NLN: variants seen among roughly 807,000 people sequenced by gnomAD.
The protein encoded by NLN is neurolysin, mitochondrial.
NLN carries 64 observed loss-of-function variants against 79.9 expected under a neutral mutation model. The observed-to-expected ratio is 0.80, with a 90% CI of 0.65 to 0.99. NLN has a LOEUF of 0.99. Among genes scored for constraint, NLN ranks in the 50% least tolerant of loss-of-function variants. The pLI is 0.00. For missense variants in NLN, 835 were observed against 858.7 expected, an observed-to-expected ratio of 0.97 and a Z score of 0.34; for synonymous variants, 267 against 296.6, an observed-to-expected ratio of 0.90 and a Z score of 1.02.
At chr5:65,752,801 C>T (rs1759128578) in intron 1 of NLN, among the ~76,000 whole-genome samples, 1 of 152,238 alleles carries the variant, frequency 6.6e-6, no homozygotes, top group Admixed American at 6.5e-5. Flanking sequence ...AGGCATTCCG[C>T]TGTCACCATT....
intron 12 of NLN, among the ~76,000 whole-genome samples, chr5:65,822,159 T>C (rs938271652): frequency 1.3e-5 from 2 of 152,236 alleles, no homozygotes; most frequent in East Asian, 3.8e-4. Flanking sequence ...TAAATAAAAG[T>C]AGAGGAACTG....
intron 12 of NLN, among the ~76,000 whole-genome samples, chr5:65,815,279 G>A (rs1760645693): frequency 6.6e-6 from 1 of 152,114 alleles, no homozygotes; most frequent in Non-Finnish European, 1.5e-5. Flanking sequence ...ACTGATCCCT[G>A]TGGTTCCAAG....
intron 9 of NLN, chr5:65,792,915 G>A (rs1244745568): frequency 2.0e-6 from 1 of 501,838 alleles, no homozygotes; most frequent in Admixed American, 2.8e-5. Flanking sequence ...TGTAAGGAAA[G>A]GTTACAAATA....
At chr5:65,756,326 C>A (rs187397021) in intron 1 of NLN, among the ~76,000 whole-genome samples, 4 of 152,030 alleles carry the variant, frequency 2.6e-5, no homozygotes, top group Admixed American at 1.3e-4. Flanking sequence ...TTTTTTCCCC[C>A]AAAAAGCCTC....
At chr5:65,759,200 A>G (rs1021473074) in intron 2 of NLN, among the ~76,000 whole-genome samples, 1 of 152,168 alleles carries the variant, frequency 6.6e-6, no homozygotes, top group African/African-American at 2.4e-5. Context: ...CAATTCCCAA[A>G]TGTCAACTAA....
At position 65,759,427 on chromosome 5, in the gene NLN, T is replaced by C. The variant is rs1008414440; in HGVS notation, c.301+601T>C. ...GTGTGTGTGTGTGTGTAAGTATATA[T>C]ATATATATAAACATATGTATGTGTG... On this transcript the variant is annotated intron_variant, in intron 2 of 12. Coordinates refer to ENST00000380985, the MANE Select transcript of NLN (RefSeq NM_020726.5). Among the ~76,000 whole-genome samples the C allele has an allele frequency of 4.6e-5, 7 of 152,060 alleles. No homozygotes were observed. In the East Asian group the frequency reaches 1.2e-3, roughly 25 times the overall value.
At chr5:65,774,823 C>G (rs552824294) in intron 3 of NLN, among the ~76,000 whole-genome samples, 4 of 151,650 alleles carry the variant, frequency 2.6e-5, no homozygotes, top group Admixed American at 2.6e-4. Context: ...TTCCCGGGTT[C>G]AAGTGATTCT....
At chr5:65,794,859 A>G (rs1001561737) in intron 9 of NLN, among the ~76,000 whole-genome samples, 1 of 152,062 alleles carries the variant, frequency 6.6e-6, no homozygotes, top group African/African-American at 2.4e-5. Context: ...TAATTCTGTC[A>G]CCTTTGTTTA....
At chr5:65,775,470 C>T (rs575474077) in intron 3 of NLN, among the ~76,000 whole-genome samples, 2 of 152,304 alleles carry the variant, frequency 1.3e-5, no homozygotes, top group East Asian at 3.9e-4. Flanking sequence ...ACAACTTACC[C>T]AGCTCTTGCC....
intron 3 of NLN, among the ~76,000 whole-genome samples, chr5:65,769,555 A>G (rs1302438011): frequency 6.6e-6 from 1 of 152,210 alleles, no homozygotes; most frequent in Non-Finnish European, 1.5e-5. Context: ...AATTTTTTTA[A>G]AACCTTCAAA....
At chr5:65,805,473 A>G (rs1171204645) in intron 9 of NLN, among the ~76,000 whole-genome samples, 2 of 152,220 alleles carry the variant, frequency 1.3e-5, no homozygotes, top group Admixed American at 6.5e-5. Context: ...CTGAGTGGAG[A>G]AAGTTTTAGT....
intron 11 of NLN, among the ~76,000 whole-genome samples, chr5:65,811,995 G>A (rs2150774883): frequency 6.6e-6 from 1 of 152,256 alleles, no homozygotes; most frequent in South Asian, 2.1e-4. Flanking sequence ...CTATCTGGTG[G>A]GTGTGGACAA....
At chr5:65,762,762 C>T (rs964886485) in intron 2 of NLN, among the ~76,000 whole-genome samples, 198 bp from the exon 3 acceptor site, 7 of 152,074 alleles carry the variant, frequency 4.6e-5, no homozygotes, top group African/African-American at 7.2e-5. Context: ...ACATCTTTAC[C>T]GTTCATAATG....
At chr5:65,739,181 A>G (rs991927205) in intron 1 of NLN, among the ~76,000 whole-genome samples, 3 of 151,132 alleles carry the variant, frequency 2.0e-5, no homozygotes, top group African/African-American at 7.3e-5. Context: ...GGGATTACAG[A>G]CATGAGCCAC....
chr5:65,763,003 C>G lies in NLN; in HGVS notation c.345C>G (p.Asp115Glu). Reference sequence around the variant, plus strand: ...ACTTTCCCCAGCATGTATCCTCTGACAAAGAAGTACGAGCAGCAAGTACAG... The same window carrying G: ...ACTTTCCCCAGCATGTATCCTCTGAGAAAGAAGTACGAGCAGCAAGTACAG... ...MLDFPQHVSSDKEVRAASTEA... is the reference protein window; with the variant it reads ...MLDFPQHVSSEKEVRAASTEA... The change falls in exon 3 of 13, where the codon GAC becomes GAG. Residue 115 changes from aspartate (D) to glutamate (E), a missense_variant. By Grantham distance (45) the Asp-to-Glu change is conservative. Transcript: ENST00000380985. The G allele has an allele frequency of 6.2e-7, 1 of 1,613,944 alleles. No individual in the cohort carries two copies. The highest frequency in any genetic ancestry group is 8.5e-7 in the Non-Finnish European group (1 of 1,179,954).
chr5:65,735,376 C>CTCA (rs1758708423), intron 1 of NLN, among the ~76,000 whole-genome samples: 1 of 152,154 alleles, frequency 6.6e-6, no homozygotes, highest in Non-Finnish European at 1.5e-5. Flanking sequence ...ATCTCAATAT[C>CTCA]ACCTTTTCCT....
intron 9 of NLN, among the ~76,000 whole-genome samples, chr5:65,800,543 C>T (rs1342410951): frequency 6.6e-6 from 1 of 152,122 alleles, no homozygotes; most frequent in East Asian, 1.9e-4. Flanking sequence ...GACATGGTGG[C>T]GGGCGCCTGT....
intron 3 of NLN, among the ~76,000 whole-genome samples, chr5:65,771,963 C>CA (rs3081187): frequency 0.11 from 14,813 of 137,694 alleles, 876 homozygotes; most frequent in African/African-American, 0.16. Context: ...AAAACAATGA[C>CA]AAAAAAAAAA....
At chr5:65,725,237 T>C (rs191087908) in intron 1 of NLN, among the ~76,000 whole-genome samples, 2 of 152,340 alleles carry the variant, frequency 1.3e-5, no homozygotes, top group Admixed American at 1.3e-4. Context: ...AAATCCCACC[T>C]CACAGTCATA....
Sources: allele counts gnomAD v4.1 joint callset (sites outside exome capture counted in the v4.1 genomes callset), GRCh38; gene constraint gnomAD v4.1.1; transcripts MANE v1.5; gene names NCBI Gene and HGNC (gene_info 2026-07-23, HGNC 2026-07-21).